Variants in RELN observed in about 807,000 individuals in gnomAD.
The protein encoded by RELN is reelin.
A neutral mutation model predicts 427.6 loss-of-function variants in RELN; 108 were observed. That is an observed-to-expected ratio of 0.25 (90% CI 0.22 to 0.30). The LOEUF is 0.30. RELN is among the 10% of genes least tolerant of loss of function. The pLI, the probability that RELN is intolerant of heterozygous loss-of-function variation, is 1.00. For missense variants in RELN, 3,715 were observed against 4,302.8 expected, an observed-to-expected ratio of 0.86 and a Z score of 3.82; for synonymous variants, 1,524 against 1,513.4, an observed-to-expected ratio of 1.01 and a Z score of -0.16.
intron 13 of RELN, 72 bp from the exon 14 acceptor site, chr7:103,652,831 G>T: frequency 1.4e-6 from 2 of 1,388,404 alleles, no homozygotes; most frequent in Non-Finnish European, 2.0e-6. Context: ...TCCTAGATTT[G>T]ACCTAATGAA....
chr7:103,826,213 A>T (rs2116386683), intron 3 of RELN, among the ~76,000 whole-genome samples: 1 of 151,976 alleles, frequency 6.6e-6, no homozygotes, highest in East Asian at 1.9e-4. Flanking sequence ...CAGCCCCTTA[A>T]TCTGGGACTT....
intron 3 of RELN, among the ~76,000 whole-genome samples, chr7:103,801,165 C>G (rs147130488): frequency 0.18 from 27,744 of 152,112 alleles, 3,220 homozygotes; most frequent in South Asian, 0.37. Flanking sequence ...TTGTGGAAGA[C>G]AGTGTGACGA....
chr7:103,609,566 C>A (rs1029759293), intron 22 of RELN, among the ~76,000 whole-genome samples: 1 of 152,088 alleles, frequency 6.6e-6, no homozygotes, highest in Non-Finnish European at 1.5e-5. Flanking sequence ...CAGTTGGAAA[C>A]AGAAAAATCT....
intron 24 of RELN, among the ~76,000 whole-genome samples, chr7:103,601,980 A>G (rs1251004488): frequency 6.6e-6 from 1 of 152,080 alleles, no homozygotes; most frequent in Non-Finnish European, 1.5e-5. Flanking sequence ...CAGCCACCAA[A>G]CCAAGTCAGA....
intron 4 of RELN, among the ~76,000 whole-genome samples, chr7:103,768,487 C>A (rs1319708192): frequency 1.3e-5 from 2 of 152,102 alleles, no homozygotes; most frequent in South Asian, 2.1e-4. Flanking sequence ...TATTTTACAA[C>A]CAGAAATCAG....
rs185127826 is a variant in RELN at position 103,918,452 on chromosome 7, A to C, written c.227-1267T>G. On this transcript the variant is annotated intron_variant, in intron 1 of 64. Coordinates refer to ENST00000428762, the MANE Select transcript of RELN (RefSeq NM_005045.4). ...TAAGAACCTGGCCCAGGACCATCTG[A>C]TATCATCTAAAATGTTTTGATGCTG... Among the ~76,000 whole-genome samples the C allele has an allele frequency of 1.4e-4, 22 of 152,242 alleles. No individual in the cohort carries two copies. The East Asian group carries it at 1.9e-3, about 13-fold the overall frequency.
intron 3 of RELN, among the ~76,000 whole-genome samples, chr7:103,790,852 C>T (rs1338742006): frequency 1.3e-4 from 20 of 151,972 alleles, no homozygotes; most frequent in Non-Finnish European, 8.8e-5. Flanking sequence ...GTCCCAGATA[C>T]TCGGGAGGCT....
At chr7:103,820,347 G>A (rs1196577862) in intron 3 of RELN, among the ~76,000 whole-genome samples, 2 of 151,754 alleles carry the variant, frequency 1.3e-5, no homozygotes, top group Admixed American at 6.6e-5. Context: ...CCATCTTTCC[G>A]TCCCACACAC....
chr7:103,890,874 G>T (rs1354337037), intron 2 of RELN, among the ~76,000 whole-genome samples: 2 of 152,174 alleles, frequency 1.3e-5, no homozygotes, highest in Admixed American at 1.3e-4. Context: ...TCAGGAGTTC[G>T]AGACCACCCT....
Position 103,749,458 on chromosome 7 carries a change from G to A in RELN, c.624C>T (p.Ser208=), listed in dbSNP as rs766811429. The A allele has an allele frequency of 6.2e-7, 1 of 1,613,190 alleles. No individual in the cohort carries two copies. Among genetic ancestry groups the A allele is most frequent in the South Asian group, 1.1e-5 (1 of 91,066 alleles). Residue 208 remains serine (S), a synonymous_variant, in exon 6 of 65, where the codon TCC becomes TCT. Coordinates refer to ENST00000428762, the MANE Select transcript of RELN (RefSeq NM_005045.4). ...DSIILRDDFD[S]YHQLQLNPNI... ...TTGGATTTAATTGCAGTTGGTGGTA[G>A]GAGTCAAAGTCATCTCTCAGGATAA...
At chr7:103,986,486 C>T (rs4376439) in intron 1 of RELN, among the ~76,000 whole-genome samples, 1 of 151,978 alleles carries the variant, frequency 6.6e-6, no homozygotes. Flanking sequence ...CACTTTTATT[C>T]TAGACTGGCA....
chr7:103,578,819 A>C (rs754962371), intron 28 of RELN, among the ~76,000 whole-genome samples: 1 of 152,228 alleles, frequency 6.6e-6, no homozygotes, highest in African/African-American at 2.4e-5. Flanking sequence ...CAGCCTTGCA[A>C]TTGTTACTAC....
intron 51 of RELN, among the ~76,000 whole-genome samples, chr7:103,507,252 C>G (rs1048336597): frequency 1.3e-5 from 2 of 152,200 alleles, no homozygotes; most frequent in Admixed American, 1.3e-4. Flanking sequence ...CCACATTGCA[C>G]TTATTCCAAA....
In RELN at chr7:103,626,036, T is replaced by C. The variant is rs959547841; in HGVS notation, c.2702+3904A>G. 5.3e-5 allele frequency among the ~76,000 whole-genome samples: 8 copies of C among 152,150 alleles called. No individual in the cohort carries two copies. In the South Asian group the frequency reaches 1.7e-3, roughly 32 times the overall value. On this transcript the variant is annotated intron_variant, in intron 20 of 64. Coordinates refer to ENST00000428762, the MANE Select transcript of RELN (RefSeq NM_005045.4). The surrounding 1 kb of genome is among the most constrained non-coding windows in gnomAD (Gnocchi z 4.4). ...AATGGGATGAAAGACAAAGATGGGA[T>C]GAATGGGTAGAAATTCTGGGTGGAG...
rs1281035656 is a variant in RELN, at chr7:103,953,043, T to C, written c.227-35858A>G. On this transcript the variant is annotated intron_variant, in intron 1 of 64. Transcript: ENST00000428762. The surrounding 1 kb of genome is among the most constrained non-coding windows in gnomAD (Gnocchi z 4.3). ...TGCATTCACCTCCCAATGTGCCTTA[T>C]GATGGTGACTAGCCACCAACGTCTG... Among the ~76,000 whole-genome samples the C allele has an allele frequency of 6.6e-6, 1 of 152,158 alleles. No homozygotes were observed. Among genetic ancestry groups the C allele is most frequent in the Non-Finnish European group, 1.5e-5 (1 of 68,038 alleles).
chr7:103,708,464 C>CTTTT lies in RELN; in HGVS notation c.806-7462_806-7459dup, dbSNP rs745955015. Among the ~76,000 whole-genome samples the CTTTT allele has an allele frequency of 7.3e-5, 8 of 110,102 alleles. 1 individual carries two copies. Among genetic ancestry groups the CTTTT allele is most frequent in the African/African-American group, 1.8e-4 (4 of 22,604 alleles). 72.2% of individuals were successfully genotyped at this position (110,102 alleles called of 152,430 possible). On this transcript the variant is annotated intron_variant, in intron 8 of 64. Coordinates refer to ENST00000428762, the MANE Select transcript of RELN (RefSeq NM_005045.4). The stretch of plus-strand genomic sequence containing the variant: ...CACCCAAACACCAGTGGGTATGACT[C>CTTTT]TTTTTTTTTTTTTTTTTGAGACGGA...
At chr7:103,785,981 A>C (rs1792004852) in intron 3 of RELN, among the ~76,000 whole-genome samples, 1 of 151,976 alleles carries the variant, frequency 6.6e-6, no homozygotes, top group Non-Finnish European at 1.5e-5. Context: ...TGAAAGCTCC[A>C]ATAAGGGATA....
intron 2 of RELN, among the ~76,000 whole-genome samples, chr7:103,841,436 G>A (rs1793549596): frequency 6.6e-6 from 1 of 152,120 alleles, no homozygotes; most frequent in Non-Finnish European, 1.5e-5. Flanking sequence ...CAATAGCAGA[G>A]TTTCCTTTAT....
chr7:103,524,927 G>A (rs1032039809), intron 46 of RELN, among the ~76,000 whole-genome samples: 26 of 151,966 alleles, frequency 1.7e-4, no homozygotes, highest in Non-Finnish European at 8.8e-5. Context: ...GCATTTTACC[G>A]AAACCCCTAG....
Sources: allele counts gnomAD v4.1 joint callset (sites outside exome capture counted in the v4.1 genomes callset), GRCh38; gene constraint gnomAD v4.1.1; non-coding constraint Gnocchi (gnomAD v3.1); transcripts MANE v1.5; gene names NCBI Gene and HGNC (gene_info 2026-07-23, HGNC 2026-07-21).